The following RUNDC3B variants were observed in gnomAD, a reference collection of about 807,000 sequenced individuals.
RUNDC3B encodes the protein RUN domain containing 3B.
A neutral mutation model predicts 58.4 loss-of-function variants in RUNDC3B; 33 were observed. The ratio of observed to expected loss-of-function variants is 0.56; its 90% CI spans 0.43 to 0.75. The LOEUF (loss-of-function observed/expected upper bound fraction) is 0.75, where lower values mean the gene tolerates loss of function less well. Among genes scored for constraint, RUNDC3B ranks in the 30% least tolerant of loss-of-function variants. RUNDC3B has a pLI of 0.00. For synonymous variants in RUNDC3B, 193 were observed against 195.2 expected (o/e 0.99, Z 0.10); for missense variants, 501 against 535.7 (o/e 0.94, Z 0.64).
chr7:87,814,433 T>G (rs547523932), intron 9 of RUNDC3B, among the ~76,000 whole-genome samples: 10 of 152,162 alleles, frequency 6.6e-5, no homozygotes, highest in Non-Finnish European at 1.2e-4. Flanking sequence ...GGAAGCCAAA[T>G]CTTTTCTTCC....
At chr7:87,812,749 T>G (rs1364736241) in intron 9 of RUNDC3B, among the ~76,000 whole-genome samples, 1 of 152,226 alleles carries the variant, frequency 6.6e-6, no homozygotes, top group Non-Finnish European at 1.5e-5. Context: ...TGTAAAAAAT[T>G]ATCTTCTGAG....
chr7:87,769,796 C>T (rs1050012108), intron 6 of RUNDC3B, among the ~76,000 whole-genome samples: 1 of 152,054 alleles, frequency 6.6e-6, no homozygotes, highest in African/African-American at 2.4e-5. Flanking sequence ...AATGCTCTCC[C>T]TTCCCTTGCT....
At chr7:87,788,703 C>CTTTTTTTTTTTTTTTT (rs5885597) in intron 8 of RUNDC3B, among the ~76,000 whole-genome samples, 2 of 128,294 alleles carry the variant, frequency 1.6e-5, no homozygotes, top group Non-Finnish European at 1.7e-5. Flanking sequence ...CTTTTCAAAA[C>CTTTTTTTTTTTTTTTT]TTTTTTTTTT....
chr7:87,818,998 G>A lies in RUNDC3B; in HGVS notation c.1225+2736G>A, dbSNP rs143488828. Among the ~76,000 whole-genome samples, 1,433 of 152,252 alleles carry A rather than the reference G, an allele frequency of 9.4e-3. 6 individuals carry two copies. The highest frequency in any genetic ancestry group is 0.014 in the Non-Finnish European group (920 of 68,016). On this transcript the variant is annotated intron_variant, in intron 10 of 10. Transcript: ENST00000394654. ...GGCAGCACTCCTCTCAAGGGGGAACGAGCTATGGGGAGTCTGTCCCTTGCA... is the reference window on the plus strand; with the variant it reads ...GGCAGCACTCCTCTCAAGGGGGAACAAGCTATGGGGAGTCTGTCCCTTGCA...
intron 4 of RUNDC3B, among the ~76,000 whole-genome samples, chr7:87,730,728 C>T (rs574599400): frequency 6.6e-6 from 1 of 151,980 alleles, no homozygotes; most frequent in African/African-American, 2.4e-5. Flanking sequence ...AAGTGGTAGC[C>T]AGGCAGTAGC....
chr7:87,749,450 T>C (rs1832834851), intron 6 of RUNDC3B, among the ~76,000 whole-genome samples: 1 of 152,178 alleles, frequency 6.6e-6, no homozygotes, highest in Non-Finnish European at 1.5e-5. Flanking sequence ...CAAAGGATGC[T>C]AAAATGAGAA....
chr7:87,706,624 C>T (rs752219915), intron 3 of RUNDC3B, among the ~76,000 whole-genome samples: 11 of 152,142 alleles, frequency 7.2e-5, no homozygotes, highest in Non-Finnish European at 1.6e-4. Context: ...CGAGCTGAGC[C>T]GCACATCCAT....
At chr7:87,765,120 A>G (rs1833907075) in intron 6 of RUNDC3B, among the ~76,000 whole-genome samples, 2 of 151,746 alleles carry the variant, frequency 1.3e-5, no homozygotes, top group Non-Finnish European at 2.9e-5. Flanking sequence ...AATCTTTTGT[A>G]TTTCTGCAAT....
chr7:87,825,584 G>A (rs1016677624), intron 10 of RUNDC3B, among the ~76,000 whole-genome samples: 2 of 152,218 alleles, frequency 1.3e-5, no homozygotes, highest in Non-Finnish European at 2.9e-5. Context: ...GGAGCTGTGA[G>A]AAAAGGACCA....
intron 1 of RUNDC3B, among the ~76,000 whole-genome samples, chr7:87,649,894 G>A (rs778117869): frequency 6.6e-6 from 1 of 152,086 alleles, no homozygotes; most frequent in Admixed American, 6.6e-5. Context: ...GCTCTCTTGC[G>A]TGCTGCCATG....
intron 7 of RUNDC3B, among the ~76,000 whole-genome samples, chr7:87,771,552 G>A (rs954549417): frequency 1.3e-5 from 2 of 152,114 alleles, no homozygotes; most frequent in Non-Finnish European, 2.9e-5. Context: ...ATGCTGAGTA[G>A]AATACAATTT....
intron 4 of RUNDC3B, among the ~76,000 whole-genome samples, chr7:87,715,259 ATAAT>A (rs1275938912): frequency 1.9e-4 from 25 of 134,086 alleles, no homozygotes; most frequent in Non-Finnish European, 1.1e-4. Context: ...TATATTATAT[ATAAT>A]TAATTTATAA....
At chr7:87,661,280 T>C (rs1239767397) in intron 2 of RUNDC3B, among the ~76,000 whole-genome samples, 1 of 151,900 alleles carries the variant, frequency 6.6e-6, no homozygotes, top group Non-Finnish European at 1.5e-5. Flanking sequence ...TTATACTCTT[T>C]TAGTTATTTT....
At chr7:87,636,943 C>T (rs1821833384) in intron 1 of RUNDC3B, among the ~76,000 whole-genome samples, 1 of 152,248 alleles carries the variant, frequency 6.6e-6, no homozygotes, top group South Asian at 2.1e-4. Context: ...GGGAAGTAAA[C>T]ATGTCCTTCT....
chr7:87,760,766 ACTATCCAC>A (rs1833635224), intron 6 of RUNDC3B, among the ~76,000 whole-genome samples: 1 of 152,070 alleles, frequency 6.6e-6, no homozygotes, highest in Non-Finnish European at 1.5e-5. Flanking sequence ...GGGACAACTG[ACTATCCAC>A]ATGCAAATGA....
At chr7:87,691,791 T>C (rs1451246278) in intron 2 of RUNDC3B, among the ~76,000 whole-genome samples, 1 of 152,176 alleles carries the variant, frequency 6.6e-6, no homozygotes, top group Non-Finnish European at 1.5e-5. Flanking sequence ...ACTGACTAAT[T>C]ATCCTCCATC....
At chr7:87,667,397 G>GTT (rs202009483) in intron 2 of RUNDC3B, among the ~76,000 whole-genome samples, 1 of 147,274 alleles carries the variant, frequency 6.8e-6, no homozygotes, top group Non-Finnish European at 1.5e-5. Flanking sequence ...CCAAGACTAT[G>GTT]TTTTTTTTTT....
At chr7:87,819,405 C>T (rs924312720) in intron 10 of RUNDC3B, among the ~76,000 whole-genome samples, 1 of 152,086 alleles carries the variant, frequency 6.6e-6, no homozygotes, top group East Asian at 1.9e-4. Context: ...TAGTGACCTA[C>T]AAAGAGACTT....
chr7:87,762,570 A>G (rs944374302), intron 6 of RUNDC3B, among the ~76,000 whole-genome samples: 1 of 151,470 alleles, frequency 6.6e-6, no homozygotes, highest in Non-Finnish European at 1.5e-5. Flanking sequence ...TCCATTTTGT[A>G]TGATATTAAG....
Sources: allele counts gnomAD v4.1 joint callset (sites outside exome capture counted in the v4.1 genomes callset), GRCh38; gene constraint gnomAD v4.1.1; transcripts MANE v1.5; gene names NCBI Gene and HGNC (gene_info 2026-07-23, HGNC 2026-07-21).